Variants in CAST observed in about 807,000 individuals in gnomAD.
CAST encodes calpastatin, also known as MIR583 host.
In CAST, 76 loss-of-function variants were observed where a neutral mutation model predicts 119.6. The ratio of observed to expected loss-of-function variants is 0.64; its 90% CI spans 0.53 to 0.77. CAST has a LOEUF of 0.77. Ranked by LOEUF, CAST falls within the 30% of genes least tolerant of loss-of-function variation. The pLI is 0.00. For synonymous variants in CAST, 319 were observed against 331.6 expected, an observed-to-expected ratio of 0.96 and a Z score of 0.41; for missense variants, 953 against 946.5, an observed-to-expected ratio of 1.01 and a Z score of -0.09.
chr5:96,646,716 TTTA>T (rs1485379719), intron 1 of CAST, among the ~76,000 whole-genome samples: 1 of 152,344 alleles, frequency 6.6e-6, no homozygotes. Context: ...TCGATTGATT[TTTA>T]TTATTCAACT....
chr5:96,319,228 C>G, the CAST span, among the ~76,000 whole-genome samples: 8 of 152,168 alleles, frequency 5.3e-5, no homozygotes, highest in African/African-American at 1.9e-4. Flanking sequence ...ACTTCAAGAA[C>G]AGCACCAAGA....
intron 1 of CAST, among the ~76,000 whole-genome samples, chr5:96,589,209 C>G (rs1000339678): frequency 2.0e-5 from 3 of 152,156 alleles, no homozygotes; most frequent in African/African-American, 7.2e-5. Flanking sequence ...AACTGATGCT[C>G]ATATTACAAA....
chr5:96,214,704 C>CA, the CAST span, among the ~76,000 whole-genome samples: 1 of 151,982 alleles, frequency 6.6e-6, no homozygotes, highest in Non-Finnish European at 1.5e-5. Flanking sequence ...CAACACAAAA[C>CA]AAAAAAGCCA....
chr5:96,159,003 C>T, the CAST span, among the ~76,000 whole-genome samples: 2 of 152,152 alleles, frequency 1.3e-5, no homozygotes, highest in East Asian at 3.9e-4. Context: ...TTCAAGCCAG[C>T]TATTTTGCTT....
chr5:96,629,275 A>G (rs1400802032), intron 1 of CAST, among the ~76,000 whole-genome samples: 1 of 152,198 alleles, frequency 6.6e-6, no homozygotes, highest in Non-Finnish European at 1.5e-5. Flanking sequence ...ATGGCTCACC[A>G]GATGCTAGTG....
the CAST span, among the ~76,000 whole-genome samples, chr5:96,165,592 A>G: frequency 6.6e-6 from 1 of 152,216 alleles, no homozygotes; most frequent in Non-Finnish European, 1.5e-5. Flanking sequence ...ACAAGTAACA[A>G]CATATATAAT....
the CAST span, among the ~76,000 whole-genome samples, chr5:96,120,210 C>CT: frequency 1.3e-5 from 2 of 152,116 alleles, no homozygotes; most frequent in African/African-American, 4.8e-5. Context: ...ATGAATAAAA[C>CT]TGCCTTGGGC....
the CAST span, among the ~76,000 whole-genome samples, chr5:95,999,996 T>TA: frequency 2.6e-5 from 4 of 152,218 alleles, no homozygotes; most frequent in Non-Finnish European, 4.4e-5. Flanking sequence ...TTTCCCTAAC[T>TA]AAATGGTGCT....
the CAST span, chr5:96,412,253 T>G: frequency 7.5e-7 from 1 of 1,328,968 alleles, no homozygotes; most frequent in South Asian, 1.2e-5. Context: ...CTAAGTGTTC[T>G]TTCCTTCTCC....
At chr5:96,599,521 C>T (rs946908500) in intron 1 of CAST, among the ~76,000 whole-genome samples, 3 of 152,140 alleles carry the variant, frequency 2.0e-5, no homozygotes, top group Non-Finnish European at 4.4e-5. Context: ...CTTAATTGTG[C>T]TTAGAAAATA....
the CAST span, among the ~76,000 whole-genome samples, chr5:96,028,364 T>C: frequency 3.9e-5 from 6 of 152,034 alleles, no homozygotes; most frequent in African/African-American, 1.4e-4. Flanking sequence ...AATAATATTC[T>C]TTAAAGAATA....
the CAST span, among the ~76,000 whole-genome samples, chr5:96,228,595 A>G: frequency 2.0e-5 from 3 of 152,200 alleles, no homozygotes; most frequent in Non-Finnish European, 4.4e-5. Flanking sequence ...GCTAATACGC[A>G]TAAATTTTAT....
At chr5:96,647,198 C>T (rs538078043) in intron 1 of CAST, among the ~76,000 whole-genome samples, 1 of 152,290 alleles carries the variant, frequency 6.6e-6, no homozygotes, top group East Asian at 1.9e-4. Flanking sequence ...CCATTTTCCA[C>T]ACCTGCAGTC....
the CAST span, among the ~76,000 whole-genome samples, chr5:96,305,824 G>A: frequency 6.6e-6 from 1 of 152,158 alleles, no homozygotes; most frequent in African/African-American, 2.4e-5. Flanking sequence ...TGGTGGATAA[G>A]CTATTTGATG....
the CAST span, among the ~76,000 whole-genome samples, chr5:96,114,918 T>C: frequency 6.6e-6 from 1 of 152,224 alleles, no homozygotes; most frequent in Non-Finnish European, 1.5e-5. Flanking sequence ...TATGTACTAG[T>C]GGTGTGACCT....
At chr5:96,466,782 TA>T in the CAST span, among the ~76,000 whole-genome samples, 2 of 152,132 alleles carry the variant, frequency 1.3e-5, no homozygotes, top group Non-Finnish European at 2.9e-5. Flanking sequence ...ATACCTCTAA[TA>T]TTTTGCAATG....
chr5:96,159,475 A>T, the CAST span, among the ~76,000 whole-genome samples: 5 of 152,366 alleles, frequency 3.3e-5, no homozygotes, highest in African/African-American at 1.2e-4. Context: ...GAAACGATGT[A>T]CAAAGAAAAA....
chr5:96,259,596 C>T, the CAST span, among the ~76,000 whole-genome samples: 3 of 152,126 alleles, frequency 2.0e-5, no homozygotes, highest in Non-Finnish European at 4.4e-5. Context: ...CTTATACCTC[C>T]GATCACAGTG....
chr5:96,184,676 G>A, the CAST span, among the ~76,000 whole-genome samples: 1 of 152,042 alleles, frequency 6.6e-6, no homozygotes, highest in Non-Finnish European at 1.5e-5. Flanking sequence ...CTCTGCAAAG[G>A]ACATGATCTT....
Sources: gnomAD v4.1 joint callset for allele counts (sites outside exome capture counted in the v4.1 genomes callset) on GRCh38, gnomAD v4.1.1 for gene constraint, MANE v1.5 for transcripts, NCBI Gene and HGNC (gene_info 2026-07-23, HGNC 2026-07-21) for gene names.